NCALD: variants seen among roughly 807,000 people sequenced by gnomAD.
NCALD encodes the protein neurocalcin delta, also known as neurocalcin-delta.
Under a neutral mutation model 18.6 loss-of-function variants are expected in NCALD, and 10 were observed. The ratio of observed to expected loss-of-function variants is 0.54; its 90% confidence interval spans 0.33 to 0.91. The LOEUF (loss-of-function observed/expected upper bound fraction) is 0.91. NCALD is among the 40% of genes least tolerant of loss of function. The pLI is 0.03. For missense variants in NCALD, 184 were observed against 247.6 expected (o/e 0.74, Z 1.72); for synonymous variants, 88 against 87.4 (o/e 1.01, Z -0.04).
chr8:102,083,834 A>G lies in NCALD; in HGVS notation c.-210+40403T>C, dbSNP rs139366547. ...ATTTTCTGATCCCATCATCACCTCT[A>G]TATAGTCACATCGCTATTTTGATTA... is the stretch of plus-strand genomic sequence containing the variant. On this transcript the variant is annotated intron_variant, in intron 1 of 6. Coordinates refer to the NCALD transcript ENST00000311028. 3.1e-3 allele frequency among the ~76,000 whole-genome samples: 473 copies of G among 152,296 alleles called. 1 individual carries two copies. The highest frequency in any genetic ancestry group is 0.011 in the African/African-American group (439 of 41,562).
chr8:101,786,841 C>T (rs1403374680), intron 1 of NCALD, among the ~76,000 whole-genome samples: 1 of 152,002 alleles, frequency 6.6e-6, no homozygotes, highest in Non-Finnish European at 1.5e-5. Context: ...GCATTGTGAC[C>T]TGAGAATATT....
chr8:101,811,918 G>T (rs1813318793), intron 4 of NCALD, among the ~76,000 whole-genome samples: 1 of 152,198 alleles, frequency 6.6e-6, no homozygotes, highest in African/African-American at 2.4e-5. Flanking sequence ...ATCAGAGAAC[G>T]TGCTAAACAC....
At chr8:102,091,323 A>T (rs565017893) in intron 1 of NCALD, among the ~76,000 whole-genome samples, 1 of 152,290 alleles carries the variant, frequency 6.6e-6, no homozygotes, top group East Asian at 1.9e-4. Flanking sequence ...AAAAAAGAAA[A>T]ATTATGTTTC....
chr8:101,786,722 G>A (rs1246773775), intron 1 of NCALD, among the ~76,000 whole-genome samples: 1 of 152,184 alleles, frequency 6.6e-6, no homozygotes, highest in East Asian at 1.9e-4. Flanking sequence ...TCTTCCTGCA[G>A]TCACTGGGAG....
intron 2 of NCALD, among the ~76,000 whole-genome samples, chr8:102,003,892 G>A (rs1314385821): frequency 1.3e-5 from 2 of 152,098 alleles, no homozygotes; most frequent in African/African-American, 4.8e-5. Context: ...AATAATAAGA[G>A]CTATTTATGA....
chr8:101,721,599 A>G (rs1030084265), intron 1 of NCALD, among the ~76,000 whole-genome samples: 9 of 152,152 alleles, frequency 5.9e-5, no homozygotes, highest in Non-Finnish European at 1.3e-4. Flanking sequence ...TGGCCTCACT[A>G]AAAATAAACT....
At chr8:101,770,372 T>C (rs561445796) in intron 1 of NCALD, among the ~76,000 whole-genome samples, 38 of 152,356 alleles carry the variant, frequency 2.5e-4, no homozygotes, top group African/African-American at 9.1e-4. Flanking sequence ...GAGATGATGT[T>C]ATAATCAGTA....
chr8:102,039,019 C>T (rs950411856), intron 1 of NCALD, among the ~76,000 whole-genome samples: 49 of 152,064 alleles, frequency 3.2e-4, no homozygotes, highest in Admixed American at 1.8e-3. Flanking sequence ...AGTGAGGACC[C>T]CAGCCAACAG....
intron 4 of NCALD, among the ~76,000 whole-genome samples, chr8:101,886,875 C>T (rs573788161): frequency 6.6e-6 from 1 of 152,200 alleles, no homozygotes; most frequent in Non-Finnish European, 1.5e-5. Context: ...ATCTCTTGTA[C>T]TTAAATAAGG....
At chr8:102,077,744 G>A (rs1164019911) in intron 1 of NCALD, among the ~76,000 whole-genome samples, 1 of 152,072 alleles carries the variant, frequency 6.6e-6, no homozygotes, top group African/African-American at 2.4e-5. Context: ...CACCTTGGTG[G>A]GCCAGATATC....
At chr8:102,004,851 C>T (rs1348298474) in intron 2 of NCALD, among the ~76,000 whole-genome samples, 1 of 152,106 alleles carries the variant, frequency 6.6e-6, no homozygotes, top group Non-Finnish European at 1.5e-5. Flanking sequence ...AACTGGATCC[C>T]TTCCTTACAC....
intron 1 of NCALD, among the ~76,000 whole-genome samples, chr8:102,043,518 G>C (rs1823127093): frequency 3.3e-5 from 5 of 151,688 alleles, no homozygotes; most frequent in Admixed American, 3.3e-4. Flanking sequence ...GTGGATTTGG[G>C]GGCATGGAGA....
At chr8:102,102,715 C>A (rs1326024096) in intron 1 of NCALD, among the ~76,000 whole-genome samples, 1 of 152,126 alleles carries the variant, frequency 6.6e-6, no homozygotes, top group East Asian at 1.9e-4. Context: ...GCACACCAGG[C>A]TCTGCCCAAC....
At chr8:102,093,127 C>T (rs1459513638) in intron 1 of NCALD, among the ~76,000 whole-genome samples, 1 of 151,898 alleles carries the variant, frequency 6.6e-6, no homozygotes, top group Admixed American at 6.6e-5. Flanking sequence ...CCACTGCACT[C>T]CAGCCAGAGC....
At chr8:101,785,214 T>C (rs1333992178) in intron 1 of NCALD, among the ~76,000 whole-genome samples, 1 of 152,210 alleles carries the variant, frequency 6.6e-6, no homozygotes, top group Non-Finnish European at 1.5e-5. Context: ...TCCAGCTTCC[T>C]AAGTGTTAGC....
At chr8:101,731,606 A>C (rs1248470779) in intron 1 of NCALD, among the ~76,000 whole-genome samples, 3 of 152,046 alleles carry the variant, frequency 2.0e-5, no homozygotes, top group African/African-American at 4.8e-5. Context: ...GGGCACACCC[A>C]CCCTGCTCTT....
intron 4 of NCALD, among the ~76,000 whole-genome samples, chr8:101,882,421 A>C (rs1298902376): frequency 6.6e-6 from 1 of 152,162 alleles, no homozygotes; most frequent in Non-Finnish European, 1.5e-5. Flanking sequence ...GCGAGAAGGC[A>C]CCATCTACGA....
At chr8:101,875,657 T>G (rs1816200029) in intron 4 of NCALD, among the ~76,000 whole-genome samples, 1 of 152,068 alleles carries the variant, frequency 6.6e-6, no homozygotes, top group Admixed American at 6.5e-5. Flanking sequence ...AGGAACTGGA[T>G]CCATAATTAA....
intron 2 of NCALD, among the ~76,000 whole-genome samples, chr8:101,709,516 T>A (rs981370035): frequency 4.6e-5 from 7 of 152,238 alleles, no homozygotes; most frequent in Non-Finnish European, 1.0e-4. Context: ...TAGTTACTTT[T>A]GAGAACAGAA....
Sources: allele counts gnomAD v4.1 joint callset (sites outside exome capture counted in the v4.1 genomes callset), GRCh38; gene constraint gnomAD v4.1.1; transcripts MANE v1.5; gene names NCBI Gene and HGNC (gene_info 2026-07-23, HGNC 2026-07-21).